The following CAMK2B variants were observed in gnomAD, a reference collection of about 807,000 sequenced individuals.
CAMK2B encodes calcium/calmodulin-dependent protein kinase type II subunit beta.
A neutral mutation model predicts 93.7 loss-of-function variants in CAMK2B; 27 were observed. The observed-to-expected ratio is 0.29, with a 90% confidence interval of 0.21 to 0.40. The LOEUF is 0.40. Ranked by LOEUF, CAMK2B falls within the 10% of genes least tolerant of loss-of-function variation. CAMK2B has a pLI of 1.00. For synonymous variants in CAMK2B, 374 were observed against 358.8 expected (o/e 1.04, Z -0.48); for missense variants, 568 against 895.8 (o/e 0.63, Z 4.67).
intron 2 of CAMK2B, among the ~76,000 whole-genome samples, chr7:44,282,282 C>A (rs1027033987): frequency 6.6e-6 from 1 of 152,244 alleles, no homozygotes; most frequent in Non-Finnish European, 1.5e-5. Context: ...TGGAACACAG[C>A]CTGGCCCACC....
intron 13 of CAMK2B, among the ~76,000 whole-genome samples, chr7:44,237,845 C>G (rs1015905200): frequency 3.3e-5 from 5 of 152,210 alleles, no homozygotes; most frequent in Non-Finnish European, 7.3e-5. Context: ...GCCCTCCATC[C>G]TGGGAAGGCA....
intron 2 of CAMK2B, among the ~76,000 whole-genome samples, chr7:44,264,463 C>T (rs1327787565): frequency 6.6e-6 from 1 of 152,164 alleles, no homozygotes; most frequent in African/African-American, 2.4e-5. Flanking sequence ...CCTGGCTCCC[C>T]CCTCCCAGGA....
chr7:44,266,212 C>T (rs1369273549), intron 2 of CAMK2B, among the ~76,000 whole-genome samples: 1 of 152,132 alleles, frequency 6.6e-6, no homozygotes, highest in African/African-American at 2.4e-5. Context: ...CTGGATAGGA[C>T]TGAGAAGCCA....
intron 18 of CAMK2B, chr7:44,229,126 G>C: frequency 1.5e-6 from 1 of 647,008 alleles, no homozygotes; most frequent in Non-Finnish European, 2.8e-6. Flanking sequence ...CGACCCTGAA[G>C]ACTGGAATTG....
At chr7:44,269,833 G>T (rs568449515) in intron 2 of CAMK2B, among the ~76,000 whole-genome samples, 13 of 152,248 alleles carry the variant, frequency 8.5e-5, no homozygotes, top group Admixed American at 7.8e-4. Context: ...CTGGCTGGGG[G>T]ATGCAGCTGG....
At chr7:44,299,276 G>A (rs541800283) in intron 1 of CAMK2B, among the ~76,000 whole-genome samples, 9 of 152,328 alleles carry the variant, frequency 5.9e-5, no homozygotes, top group African/African-American at 1.9e-4. Context: ...AGTGAAATAA[G>A]CCAGTCACAA....
Position 44,219,010 on chromosome 7 carries a change from C to T in CAMK2B, c.*515G>A, listed in dbSNP as rs2096364947. Reference sequence around the variant, plus strand: ...GCCCAGCGGGCCCCCACAGCCCCTCCCAAGAGACAGCTGACAGTCACGACA... The same window carrying T: ...GCCCAGCGGGCCCCCACAGCCCCTCTCAAGAGACAGCTGACAGTCACGACA... On this transcript the variant is annotated 3_prime_UTR_variant, in exon 24 of 24. Transcript: ENST00000395749. 6.6e-6 allele frequency: 1 copy of T among 152,378 alleles called. No homozygotes were observed. The highest frequency in any genetic ancestry group is 1.5e-5 in the Non-Finnish European group (1 of 68,140). 9.4% of individuals were successfully genotyped at this position (152,378 alleles called of 1,614,324 possible).
intron 2 of CAMK2B, among the ~76,000 whole-genome samples, chr7:44,266,669 A>C (rs2096924143): frequency 6.6e-6 from 1 of 152,208 alleles, no homozygotes; most frequent in South Asian, 2.1e-4. Context: ...ACACAGCCGG[A>C]AGTCTGCCAA....
chr7:44,315,979 T>C (rs1391639486), intron 1 of CAMK2B, among the ~76,000 whole-genome samples: 1 of 152,230 alleles, frequency 6.6e-6, no homozygotes, highest in Non-Finnish European at 1.5e-5. Flanking sequence ...ATTTTCTATA[T>C]ACGAAAGCAT....
chr7:44,229,437 C>A lies in CAMK2B; in HGVS notation c.1290G>T (p.Gly430=), dbSNP rs1322322112. Residue 430 remains glycine, a synonymous_variant, in exon 18 of 24, where the codon GGG becomes GGT. Coordinates refer to ENST00000395749, the MANE Select transcript of CAMK2B (RefSeq NM_001220.5). ...GAGCCGGAGATGGGCAGGGCAGGGG[C>A]CCCTCGGCTTCTGGGGCTCCCGAGC... The part of the protein sequence containing the change: ...RRGSGAPEAE[G]PLPCPSPAPF... The A allele has an allele frequency of 6.7e-7, 1 of 1,489,558 alleles. No individual in the cohort carries two copies. Among genetic ancestry groups the A allele is most frequent in the Non-Finnish European group, 8.9e-7 (1 of 1,120,580 alleles). 92.3% of individuals were successfully genotyped at this position (1,489,558 alleles called of 1,614,324 possible). A position where few individuals can be genotyped will look rare whatever the true frequency, so the allele number is the denominator to read the frequency against.
At chr7:44,243,618 C>T in intron 6 of CAMK2B, 91 bp from the exon 7 acceptor site, 1 of 1,000,438 alleles carries the variant, frequency 1.0e-6, no homozygotes, top group Non-Finnish European at 1.5e-6. Flanking sequence ...ACAGAGAAAA[C>T]AGTGGTTTGC....
At chr7:44,236,805 C>T (rs547770899) in intron 13 of CAMK2B, among the ~76,000 whole-genome samples, 30 of 152,342 alleles carry the variant, frequency 2.0e-4, no homozygotes, top group South Asian at 4.1e-4. Context: ...GCCAGCCAGC[C>T]TGAGGCTGCA....
chr7:44,307,239 T>G (rs1449076444), intron 1 of CAMK2B, among the ~76,000 whole-genome samples: 2 of 65,574 alleles, frequency 3.0e-5, no homozygotes, highest in African/African-American at 6.1e-5. Context: ...GGGAGGAGGG[T>G]GTGAGCAGAG....
intron 16 of CAMK2B, among the ~76,000 whole-genome samples, 194 bp downstream of exon 16, chr7:44,232,628 C>T (rs111595222): frequency 7.2e-5 from 11 of 152,328 alleles, no homozygotes; most frequent in African/African-American, 1.4e-4. Flanking sequence ...CCTCCAGGGG[C>T]GCGCCTGGGG....
chr7:44,222,249 G>A (rs62459091), intron 20 of CAMK2B, among the ~76,000 whole-genome samples: 8,447 of 152,226 alleles, frequency 0.055, 301 homozygotes, highest in East Asian at 0.086. Context: ...CCAGCACTGC[G>A]CTCTGTGACC....
rs2096466027 is a variant in CAMK2B, at chr7:44,225,629, CCCT to C, written c.1597+884_1597+886del. 11 of 802,108 alleles carry C rather than the reference CCCT, an allele frequency of 1.4e-5. No homozygotes were observed. Among genetic ancestry groups the C allele is most frequent in the Non-Finnish European group, 2.0e-5 (11 of 558,818 alleles). 49.7% of individuals were successfully genotyped at this position (802,108 alleles called of 1,614,324 possible). Reference sequence around the variant, plus strand: ...CCCTTTGAGCCTGCAGCCTGCATCCCCCTCCTCGAGCCGCTGCTCCTGTGGGTT... The same window carrying C: ...CCCTTTGAGCCTGCAGCCTGCATCCCCCTCGAGCCGCTGCTCCTGTGGGTT... On this transcript the variant is annotated intron_variant, in intron 20 of 23. Coordinates refer to ENST00000395749, the MANE Select transcript of CAMK2B (RefSeq NM_001220.5). The surrounding 1 kb of genome is among the most constrained non-coding windows in gnomAD (Gnocchi z 5.0).
In CAMK2B at chr7:44,243,311, G is replaced by A. The variant is rs755047535; in HGVS notation, c.540C>T (p.Tyr180=). Residue 180 remains tyrosine (Y), a synonymous_variant, in exon 8 of 24, where the codon TAC becomes TAT. Coordinates refer to ENST00000395749, the MANE Select transcript of CAMK2B (RefSeq NM_001220.5). ...CTTTGCGAAGGACCTCAGGGGACAG[G>A]TAGCCTGGTGTGCCAGCGAAACCTA... The part of the protein sequence containing the change: ...AWFGFAGTPG[Y]LSPEVLRKEA... 1.6e-5 allele frequency: 26 copies of A among 1,613,900 alleles called. No individual in the cohort carries two copies. In the South Asian group the frequency reaches 2.7e-4, roughly 17 times the overall value.
intron 2 of CAMK2B, among the ~76,000 whole-genome samples, chr7:44,276,875 C>T (rs1053079634): frequency 1.2e-4 from 18 of 152,180 alleles, no homozygotes; most frequent in South Asian, 1.0e-3. Flanking sequence ...TCAGCTTCTT[C>T]GGGACTCAGC....
chr7:44,231,834 G>A (rs984519201), intron 16 of CAMK2B, among the ~76,000 whole-genome samples: 5 of 152,218 alleles, frequency 3.3e-5, no homozygotes, highest in African/African-American at 9.6e-5. Context: ...CAGGAGGCCT[G>A]CTCTGCTCCT....
Sources: allele counts gnomAD v4.1 joint callset (sites outside exome capture counted in the v4.1 genomes callset), GRCh38; gene constraint gnomAD v4.1.1; non-coding constraint Gnocchi (gnomAD v3.1); transcripts MANE v1.5; gene names NCBI Gene and HGNC (gene_info 2026-07-23, HGNC 2026-07-21).